The following ZSWIM6 variants were observed in gnomAD, a reference collection of about 807,000 sequenced individuals.
The protein encoded by ZSWIM6 is zinc finger SWIM-type containing 6.
ZSWIM6 carries 9 observed loss-of-function variants against 113.2 expected under a neutral mutation model. The ratio of observed to expected loss-of-function variants is 0.08; its 90% CI spans 0.05 to 0.14. The LOEUF (loss-of-function observed/expected upper bound fraction) is 0.14. Ranked by LOEUF, ZSWIM6 falls within the 10% of genes least tolerant of loss-of-function variation. ZSWIM6 has a pLI of 1.00. For missense variants in ZSWIM6, 1,162 were observed against 1,552.2 expected, an observed-to-expected ratio of 0.75 and a Z score of 4.22; for synonymous variants, 611 against 606.5, an observed-to-expected ratio of 1.01 and a Z score of -0.11.
intron 1 of ZSWIM6, among the ~76,000 whole-genome samples, chr5:61,449,134 T>A (rs1747031165): frequency 6.6e-6 from 1 of 152,190 alleles, no homozygotes; most frequent in Non-Finnish European, 1.5e-5. Flanking sequence ...AATGATAGAA[T>A]AGAGCAGTAA....
rs998437072 is a variant in ZSWIM6 at position 61,332,344 on chromosome 5, C to CGGT, written c.74_75insTGG (p.Gly26dup). 4.8e-6 allele frequency: 5 copies of CGGT among 1,045,208 alleles called. No individual in the cohort carries two copies. Among genetic ancestry groups the CGGT allele is most frequent in the Non-Finnish European group, 3.5e-6 (3 of 854,966 alleles). The allele number at this position is 1,045,208 out of a possible 1,614,324, so 64.7% of individuals were successfully genotyped here. On this transcript the variant is annotated inframe_insertion, in exon 1 of 14. Transcript: ENST00000252744. ...GCCGGCCGGGCGGCGGCGGCGGCGG[C>CGGT]GGGGGCAGCAGCGGCGGCGGCGGCG...
rs182322750 is a variant in ZSWIM6 at position 61,422,144 on chromosome 5, C to T, written c.677-50537C>T. ...TATTACTCAATAAATCTTTGCCCAG[C>T]CCAGTGTCCTGGAGAGTTTCCCCAA... is the stretch of plus-strand genomic sequence containing the variant. On this transcript the variant is annotated intron_variant, in intron 1 of 13. Coordinates refer to ENST00000252744, the MANE Select transcript of ZSWIM6 (RefSeq NM_020928.2). 2.6e-5 allele frequency among the ~76,000 whole-genome samples: 4 copies of T among 152,246 alleles called. No individual in the cohort carries two copies. In the East Asian group the frequency reaches 7.7e-4, roughly 29 times the overall value.
At chr5:61,391,184 C>T in intron 1 of ZSWIM6, 1 of 838,008 alleles carries the variant, frequency 1.2e-6, no homozygotes. Flanking sequence ...CTGGTGACCC[C>T]TTTGTAGCCA....
chr5:61,424,713 A>G (rs1186376428), intron 1 of ZSWIM6, among the ~76,000 whole-genome samples: 1 of 147,562 alleles, frequency 6.8e-6, no homozygotes, highest in Non-Finnish European at 1.5e-5. Context: ...GAGCCGGTCT[A>G]CCTAATCTTG....
chr5:61,416,115 C>T (rs969157612), intron 1 of ZSWIM6, among the ~76,000 whole-genome samples: 13 of 152,176 alleles, frequency 8.5e-5, no homozygotes, highest in Admixed American at 7.9e-4. Flanking sequence ...GTTCTCTTTG[C>T]ATGTGAGTTT....
chr5:61,473,071 T>G, intron 2 of ZSWIM6, 34 bp downstream of exon 2: 1 of 1,296,890 alleles, frequency 7.7e-7, no homozygotes, highest in Non-Finnish European at 1.0e-6. Flanking sequence ...AAATTTCCTC[T>G]CTGGATCCTT....
chr5:61,490,793 T>A lies in ZSWIM6; in HGVS notation c.1041T>A (p.Pro347=). ...NSEINQVHGA[P]DPTAGASIDD... ...TTTTCTTTCTATTTCTAGGTGCTCC[T>A]GATCCAACAGCAGGTGCTAGTATAG... The change falls in exon 3 of 14, where the codon CCT becomes CCA. Residue 347 remains proline (P), a synonymous_variant. Coordinates refer to ENST00000252744, the MANE Select transcript of ZSWIM6 (RefSeq NM_020928.2). 2 of 1,546,452 alleles carry A rather than the reference T, an allele frequency of 1.3e-6. No individual in the cohort carries two copies. Among genetic ancestry groups the A allele is most frequent in the Non-Finnish European group, 1.7e-6 (2 of 1,144,432 alleles).
At chr5:61,452,584 C>G (rs1277255935) in intron 1 of ZSWIM6, among the ~76,000 whole-genome samples, 1 of 152,122 alleles carries the variant, frequency 6.6e-6, no homozygotes, top group Non-Finnish European at 1.5e-5. Flanking sequence ...CTTTTTAAAA[C>G]TTTGTATTTT....
chr5:61,386,621 G>T (rs1745596853), intron 1 of ZSWIM6, among the ~76,000 whole-genome samples: 1 of 152,156 alleles, frequency 6.6e-6, no homozygotes, highest in Non-Finnish European at 1.5e-5. Flanking sequence ...GCTGGCATTT[G>T]TACAGGACAA....
intron 1 of ZSWIM6, among the ~76,000 whole-genome samples, chr5:61,361,798 T>C (rs1418650248): frequency 1.3e-5 from 2 of 152,178 alleles, no homozygotes; most frequent in Non-Finnish European, 2.9e-5. Flanking sequence ...AAGCATTTGC[T>C]CCCAGGTTAT....
rs1024686385 is a variant in ZSWIM6 at position 61,545,966 on chromosome 5, C to T, written c.*1649C>T. 7 of 151,898 alleles carry T rather than the reference C, an allele frequency of 4.6e-5. No individual in the cohort carries two copies. The highest frequency in any genetic ancestry group is 8.8e-5 in the Non-Finnish European group (6 of 67,974). 9.4% of individuals were successfully genotyped at this position (151,898 alleles called of 1,614,324 possible). A position where few individuals can be genotyped will look rare whatever the true frequency, so the allele number is the denominator to read the frequency against. ...GTATTTTTGTTTAGAAGAACTATTT[C>T]ATGCGCTCCATTTTATTTATTATAA... On this transcript the variant is annotated 3_prime_UTR_variant, in exon 14 of 14. Transcript: ENST00000252744.
At position 61,535,498 on chromosome 5, in the gene ZSWIM6, G is replaced by T. The variant is rs1466122507; in HGVS notation, c.2260G>T (p.Gly754Cys). 3.9e-6 allele frequency: 6 copies of T among 1,551,208 alleles called. No homozygotes were observed. Among genetic ancestry groups the T allele is most frequent in the Non-Finnish European group, 5.2e-6 (6 of 1,146,724 alleles). Reference protein sequence around the residue: ...VFLLEAGPYSGLGEIIHRESV... With the variant: ...VFLLEAGPYSCLGEIIHRESV... The stretch of plus-strand genomic sequence containing the variant: ...TCTTCCCACAGCCGGACCATATAGT[G>T]GTTTAGGTGAAATAATCCATCGGGA... Residue 754 changes from glycine to cysteine, a missense_variant, in exon 10 of 14, where the codon GGT becomes TGT. By Grantham distance (159) the Gly-to-Cys change is radical (BLOSUM62 -3). Transcript: ENST00000252744.
chr5:61,489,381 G>A (rs1343465332), intron 2 of ZSWIM6, among the ~76,000 whole-genome samples: 2 of 151,926 alleles, frequency 1.3e-5, no homozygotes, highest in Non-Finnish European at 2.9e-5. Context: ...TTATATATAT[G>A]ATTATTAGAT....
At chr5:61,531,250 G>A (rs1251411684) in intron 8 of ZSWIM6, among the ~76,000 whole-genome samples, 1 of 152,112 alleles carries the variant, frequency 6.6e-6, no homozygotes, top group Non-Finnish European at 1.5e-5. Context: ...TATTTGTAAT[G>A]TTATATCCCC....
At chr5:61,512,498 G>A (rs1561272036) in intron 4 of ZSWIM6, among the ~76,000 whole-genome samples, 1 of 151,986 alleles carries the variant, frequency 6.6e-6, no homozygotes, top group Non-Finnish European at 1.5e-5. Context: ...GGGATTGCTG[G>A]GTCATATGGT....
intron 4 of ZSWIM6, among the ~76,000 whole-genome samples, chr5:61,518,732 G>T (rs1023679609): frequency 6.6e-6 from 1 of 151,958 alleles, no homozygotes; most frequent in African/African-American, 2.4e-5. Context: ...CTCCCATTTT[G>T]TAGGTTGCCT....
intron 4 of ZSWIM6, among the ~76,000 whole-genome samples, chr5:61,504,374 GATT>G (rs1297129201): frequency 6.6e-6 from 1 of 152,162 alleles, no homozygotes; most frequent in Non-Finnish European, 1.5e-5. Flanking sequence ...CATGGGGAGT[GATT>G]ATACTATCAT....
intron 2 of ZSWIM6, among the ~76,000 whole-genome samples, chr5:61,485,016 G>T (rs1027835319): frequency 6.6e-6 from 1 of 152,120 alleles, no homozygotes; most frequent in Non-Finnish European, 1.5e-5. Context: ...GCTTTAGAGT[G>T]GTTCTTAACT....
intron 1 of ZSWIM6, among the ~76,000 whole-genome samples, chr5:61,372,008 A>T (rs1036630664): frequency 6.0e-5 from 9 of 150,596 alleles, no homozygotes; most frequent in African/African-American, 2.2e-4. Context: ...TGTCTACAGA[A>T]GAGATTTTTT....
Sources: allele counts gnomAD v4.1 joint callset (sites outside exome capture counted in the v4.1 genomes callset), GRCh38; gene constraint gnomAD v4.1.1; transcripts MANE v1.5; gene names NCBI Gene and HGNC (gene_info 2026-07-23, HGNC 2026-07-21).